The following TMEM45B variants were observed in gnomAD, a reference collection of about 807,000 sequenced individuals.
TMEM45B encodes the protein transmembrane protein 45B.
Under a neutral mutation model 27.3 loss-of-function variants are expected in TMEM45B, and 29 were observed. That is an observed-to-expected ratio of 1.06 (90% CI 0.79 to 1.45). The LOEUF is 1.45. Among genes scored for constraint, TMEM45B ranks in the 40% most tolerant of loss-of-function variants. The pLI is 0.00. For missense variants in TMEM45B, 348 were observed against 343.9 expected, an observed-to-expected ratio of 1.01 and a Z score of -0.09; for synonymous variants, 143 against 134.7, an observed-to-expected ratio of 1.06 and a Z score of -0.43.
intron 1 of TMEM45B, among the ~76,000 whole-genome samples, chr11:129,834,003 C>T (rs753778080): frequency 6.6e-6 from 1 of 152,158 alleles, no homozygotes; most frequent in Non-Finnish European, 1.5e-5. Flanking sequence ...GCAACCAGTA[C>T]AGATTTGGGT....
At chr11:129,843,853 G>C (rs949873516) in intron 1 of TMEM45B, among the ~76,000 whole-genome samples, 1 of 152,234 alleles carries the variant, frequency 6.6e-6, no homozygotes, top group African/African-American at 2.4e-5. Flanking sequence ...GTGGGAATGT[G>C]AATTGGTACA....
chr11:129,848,109 C>G (rs912843063), intron 1 of TMEM45B, among the ~76,000 whole-genome samples: 2 of 151,004 alleles, frequency 1.3e-5, no homozygotes, highest in Non-Finnish European at 3.0e-5. Context: ...ACTTCCCAGA[C>G]GGGGTGGCGG....
Position 129,829,089 on chromosome 11 carries a change from TAGA to T in TMEM45B, c.-9+13194_-9+13196del, listed in dbSNP as rs1174235934. On this transcript the variant is annotated intron_variant, in intron 1 of 5. Transcript: ENST00000281441. Reference sequence around the variant, plus strand: ...CAAGGTGGTATTAATGTCCCTGTTTTAGAAGGAGGAGTACTGAGATTCACAGAC... The same window carrying T: ...CAAGGTGGTATTAATGTCCCTGTTTTAGGAGGAGTACTGAGATTCACAGAC... 1.2e-4 allele frequency among the ~76,000 whole-genome samples: 18 copies of T among 152,342 alleles called. No homozygotes were observed. The East Asian group carries it at 3.5e-3, about 29-fold the overall frequency.
chr11:129,852,506 G>A lies in TMEM45B; in HGVS notation c.24G>A (p.Ala8=), dbSNP rs182617089. ...TGATGGCAAATTTCAAGGGCCACGC[G>A]CTTCCAGGGAGTTTCTTCCTGATCA... MANFKGH[A]LPGSFFLIIG... is the part of the protein sequence containing the mutation. Residue 8 remains alanine, a synonymous_variant, in exon 2 of 6, where the codon GCG becomes GCA. Transcript: ENST00000281441. 1.2e-5 allele frequency: 19 copies of A among 1,603,972 alleles called. No individual in the cohort carries two copies. The highest frequency in any genetic ancestry group is 6.7e-5 in the Admixed American group (4 of 59,772).
At chr11:129,855,657 G>A in intron 3 of TMEM45B, 51 bp from the exon 4 acceptor site, 1 of 1,603,142 alleles carries the variant, frequency 6.2e-7, no homozygotes, top group South Asian at 1.1e-5. Flanking sequence ...AAACTTCGGT[G>A]ATGGTGAAAG....
chr11:129,848,108 A>G (rs1159878334), intron 1 of TMEM45B, among the ~76,000 whole-genome samples: 1 of 151,704 alleles, frequency 6.6e-6, no homozygotes, highest in Non-Finnish European at 1.5e-5. Flanking sequence ...CACTTCCCAG[A>G]CGGGGTGGCG....
chr11:129,819,542 C>G (rs1947393044), intron 1 of TMEM45B, among the ~76,000 whole-genome samples: 1 of 150,830 alleles, frequency 6.6e-6, no homozygotes, highest in African/African-American at 2.5e-5. Flanking sequence ...TTTCTTTTCT[C>G]TCTTCTTTTC....
At chr11:129,831,616 A>T (rs1162629211) in intron 1 of TMEM45B, among the ~76,000 whole-genome samples, 1 of 152,236 alleles carries the variant, frequency 6.6e-6, no homozygotes, top group Non-Finnish European at 1.5e-5. Context: ...ATAAGGGGAG[A>T]CTACTGCATA....
At chr11:129,855,642 G>A in intron 3 of TMEM45B, 66 bp from the exon 4 acceptor site, 1 of 1,565,068 alleles carries the variant, frequency 6.4e-7, no homozygotes, top group South Asian at 1.1e-5. Flanking sequence ...GACAGGTGTA[G>A]GAGGAAACTT....
At chr11:129,849,792 G>C (rs1298795717) in intron 1 of TMEM45B, among the ~76,000 whole-genome samples, 1 of 152,212 alleles carries the variant, frequency 6.6e-6, no homozygotes, top group Non-Finnish European at 1.5e-5. Context: ...TGATCTCTGA[G>C]ACCCCGCAGG....
chr11:129,856,782 A>G (rs1345947346), intron 4 of TMEM45B, among the ~76,000 whole-genome samples: 1 of 150,244 alleles, frequency 6.7e-6, no homozygotes, highest in Non-Finnish European at 1.5e-5. Flanking sequence ...GATGGTTTCA[A>G]TCTCCTGACC....
At chr11:129,834,395 C>A (rs1261154067) in intron 1 of TMEM45B, among the ~76,000 whole-genome samples, 1 of 151,644 alleles carries the variant, frequency 6.6e-6, no homozygotes, top group Non-Finnish European at 1.5e-5. Context: ...CACGCCACTG[C>A]ACTCCAGCCT....
chr11:129,848,269 G>A (rs1413747659), intron 1 of TMEM45B, among the ~76,000 whole-genome samples: 1 of 152,128 alleles, frequency 6.6e-6, no homozygotes, highest in Non-Finnish European at 1.5e-5. Context: ...CCGGCACCTC[G>A]GGAGGCCGAG....
intron 1 of TMEM45B, among the ~76,000 whole-genome samples, chr11:129,839,625 A>T (rs1237670033): frequency 6.6e-6 from 1 of 152,150 alleles, no homozygotes; most frequent in African/African-American, 2.4e-5. Flanking sequence ...CTGCAGCCTC[A>T]ACCTCACAGG....
intron 1 of TMEM45B, among the ~76,000 whole-genome samples, chr11:129,820,230 G>A (rs1438632630): frequency 2.6e-5 from 4 of 151,992 alleles, no homozygotes; most frequent in Non-Finnish European, 5.9e-5. Context: ...CAGGAGAATC[G>A]CTTGAACCCA....
intron 1 of TMEM45B, among the ~76,000 whole-genome samples, chr11:129,821,128 T>C (rs945315152): frequency 2.0e-5 from 3 of 152,094 alleles, no homozygotes; most frequent in Admixed American, 6.6e-5. Context: ...ACCATGATCT[T>C]TACATTTCCC....
intron 4 of TMEM45B, among the ~76,000 whole-genome samples, chr11:129,856,433 ACTC>A (rs1400597641): frequency 6.7e-6 from 1 of 149,964 alleles, no homozygotes; most frequent in Admixed American, 6.7e-5. Flanking sequence ...CTGGTCTCGA[ACTC>A]CTGAACTCGA....
intron 1 of TMEM45B, among the ~76,000 whole-genome samples, chr11:129,846,049 TGTCTAGAATTTAATTTG>T (rs1947756573): frequency 6.6e-6 from 1 of 152,242 alleles, no homozygotes; most frequent in Non-Finnish European, 1.5e-5. Flanking sequence ...GAGGTTAAAA[TGTCTAGAATTTAATTTG>T]GTCAACATTT....
intron 1 of TMEM45B, among the ~76,000 whole-genome samples, chr11:129,849,080 C>G (rs1435004087): frequency 6.6e-6 from 1 of 152,192 alleles, no homozygotes; most frequent in Admixed American, 6.5e-5. Context: ...TACATTCATT[C>G]CACCACAATT....
Sources: gnomAD v4.1 joint callset for allele counts (sites outside exome capture counted in the v4.1 genomes callset) on GRCh38, gnomAD v4.1.1 for gene constraint, MANE v1.5 for transcripts, NCBI Gene and HGNC (gene_info 2026-07-23, HGNC 2026-07-21) for gene names.